The following SH2D4B variants were observed in gnomAD, a reference collection of about 807,000 sequenced individuals.
The protein encoded by SH2D4B is SH2 domain-containing protein 4B.
Under a neutral mutation model 61.5 loss-of-function variants are expected in SH2D4B, and 45 were observed. The ratio of observed to expected loss-of-function variants is 0.73; its 90% CI spans 0.58 to 0.94. The LOEUF (loss-of-function observed/expected upper bound fraction) is 0.94. Among genes scored for constraint, SH2D4B ranks in the 40% least tolerant of loss-of-function variants. SH2D4B has a pLI of 0.00. For missense variants in SH2D4B, 572 were observed against 574.2 expected (o/e 1.00, Z 0.04); for synonymous variants, 224 against 220.4 (o/e 1.02, Z -0.14).
intron 1 of SH2D4B, among the ~76,000 whole-genome samples, chr10:80,554,030 G>T (rs11186024): frequency 0.059 from 8,954 of 152,264 alleles, 349 homozygotes; most frequent in Middle Eastern, 0.11. Flanking sequence ...CGAAATGATG[G>T]TCCCAGTGAA....
At chr10:80,559,422 A>G (rs777778854) in intron 1 of SH2D4B, among the ~76,000 whole-genome samples, 8 of 152,162 alleles carry the variant, frequency 5.3e-5, no homozygotes, top group Non-Finnish European at 1.2e-4. Context: ...TATTTAAACA[A>G]TTCAGATTCA....
chr10:80,631,914 A>G (rs548354163), intron 6 of SH2D4B, among the ~76,000 whole-genome samples: 4 of 152,248 alleles, frequency 2.6e-5, no homozygotes, highest in East Asian at 1.9e-4. Context: ...ATGATATATT[A>G]TATACTTGAA....
chr10:80,549,202 ATTGTGTGTGTGTGTG>A (rs1380531083), intron 1 of SH2D4B, among the ~76,000 whole-genome samples: 72 of 80,648 alleles, frequency 8.9e-4, no homozygotes, highest in East Asian at 2.6e-3. Context: ...ATGGGACTTG[ATTGTGTGTGTGTGTG>A]TGTGTGTGTG....
intron 6 of SH2D4B, 74 bp downstream of exon 6, chr10:80,609,625 G>A: frequency 6.2e-7 from 1 of 1,603,546 alleles, no homozygotes; most frequent in South Asian, 1.1e-5. Flanking sequence ...GGGGAGGGGT[G>A]CTGAAGGACA....
intron 3 of SH2D4B, among the ~76,000 whole-genome samples, chr10:80,584,619 C>T (rs927793429): frequency 3.3e-5 from 5 of 152,116 alleles, no homozygotes; most frequent in Admixed American, 6.5e-5. Flanking sequence ...TTTAAAACAT[C>T]CAAATTTCAG....
At chr10:80,631,542 C>T (rs1842834505) in intron 6 of SH2D4B, among the ~76,000 whole-genome samples, 1 of 152,238 alleles carries the variant, frequency 6.6e-6, no homozygotes, top group Non-Finnish European at 1.5e-5. Flanking sequence ...AGCCACCACA[C>T]CAGGCCTAAC....
chr10:80,538,826 C>T lies in SH2D4B; in HGVS notation c.184+311C>T, dbSNP rs556867245. Among the ~76,000 whole-genome samples, 110 of 152,354 alleles carry T rather than the reference C, an allele frequency of 7.2e-4. No individual in the cohort carries two copies. The highest frequency in any genetic ancestry group is 2.6e-3 in the African/African-American group (110 of 41,584). On this transcript the variant is annotated intron_variant, in intron 1 of 7. Transcript: ENST00000646907. The surrounding 1 kb of genome is among the most constrained non-coding windows in gnomAD (Gnocchi z 4.8). ...GACACCATTGAGACTTCAGATTGTG[C>T]TCCGACGTGGTTGGCAATGGTAGGG... is the stretch of plus-strand genomic sequence containing the variant.
intron 6 of SH2D4B, among the ~76,000 whole-genome samples, chr10:80,628,776 C>A (rs954572555): frequency 3.3e-5 from 5 of 152,074 alleles, no homozygotes; most frequent in Non-Finnish European, 7.4e-5. Flanking sequence ...GCCTGTAATC[C>A]CAGCACTTTG....
chr10:80,551,745 CTG>C (rs1841764142), intron 1 of SH2D4B, among the ~76,000 whole-genome samples: 1 of 152,206 alleles, frequency 6.6e-6, no homozygotes, highest in South Asian at 2.1e-4. Context: ...CACAGCGGGA[CTG>C]AGTGCCTGTC....
chr10:80,611,236 G>A (rs1290717505), intron 6 of SH2D4B, among the ~76,000 whole-genome samples: 3 of 145,884 alleles, frequency 2.1e-5, no homozygotes, highest in Non-Finnish European at 3.0e-5. Context: ...GGAAATGAGA[G>A]ACTTGGAGAA....
At chr10:80,609,293 C>CT in intron 5 of SH2D4B, 131 bp from the exon 6 acceptor site, 4 of 558,086 alleles carry the variant, frequency 7.2e-6, no homozygotes, top group East Asian at 4.9e-5. Context: ...CCTGCCCCTT[C>CT]TTCCACCCCC....
chr10:80,565,948 A>G (rs573915202), intron 1 of SH2D4B, among the ~76,000 whole-genome samples: 2 of 151,874 alleles, frequency 1.3e-5, no homozygotes, highest in East Asian at 3.9e-4. Context: ...AAAATTAGCC[A>G]GGCGTGGTGT....
At position 80,577,375 on chromosome 10, in the gene SH2D4B, C is replaced by A. The variant is rs535409008; in HGVS notation, c.495+5797C>A. 1.8e-4 allele frequency among the ~76,000 whole-genome samples: 27 copies of A among 152,276 alleles called. No homozygotes were observed. The East Asian group carries it at 5.0e-3, about 28-fold the overall frequency. ...AGCCAAGCCCTTCCTGAATTATTAA[C>A]CTGCAGAATCATACACAAATAAAAT... is the stretch of plus-strand genomic sequence containing the variant. On this transcript the variant is annotated intron_variant, in intron 3 of 7. Coordinates refer to ENST00000646907, the MANE Select transcript of SH2D4B (RefSeq NM_001388272.1).
intron 6 of SH2D4B, among the ~76,000 whole-genome samples, chr10:80,615,441 G>C (rs923406224): frequency 1.3e-5 from 2 of 152,224 alleles, no homozygotes; most frequent in Non-Finnish European, 2.9e-5. Context: ...ACAGAAAAGT[G>C]CCCTCTCTGC....
rs140373323 is a variant in SH2D4B at position 80,627,067 on chromosome 10, T to G, written c.989-7218T>G. On this transcript the variant is annotated intron_variant, in intron 6 of 7. Coordinates refer to ENST00000646907, the MANE Select transcript of SH2D4B (RefSeq NM_001388272.1). ...ATCGTGCCTAATGCTGGCTGTGACA[T>G]AAGCGTCTCACAGGAGCCTGAGTGT... is the stretch of plus-strand genomic sequence containing the variant. 1.1e-3 allele frequency among the ~76,000 whole-genome samples: 171 copies of G among 152,294 alleles called. 1 individual carries two copies. The highest frequency in any genetic ancestry group is 4.0e-3 in the African/African-American group (167 of 41,560).
intron 1 of SH2D4B, among the ~76,000 whole-genome samples, chr10:80,552,669 C>T (rs1463679251): frequency 1.3e-5 from 2 of 152,224 alleles, no homozygotes; most frequent in Non-Finnish European, 2.9e-5. Flanking sequence ...ACCTGTCCCT[C>T]TGCTATCTCT....
chr10:80,633,101 T>TG (rs1475121711), intron 6 of SH2D4B, among the ~76,000 whole-genome samples: 5 of 151,642 alleles, frequency 3.3e-5, no homozygotes, highest in South Asian at 2.1e-4. Flanking sequence ...AGGAGAGTGA[T>TG]GGGAGGGGAG....
chr10:80,585,134 G>A (rs1310683442), intron 3 of SH2D4B, among the ~76,000 whole-genome samples: 1 of 152,178 alleles, frequency 6.6e-6, no homozygotes, highest in Non-Finnish European at 1.5e-5. Context: ...GAGCTCAGGA[G>A]TGGGACAGAA....
intron 5 of SH2D4B, among the ~76,000 whole-genome samples, chr10:80,605,747 G>GA (rs986589522): frequency 2.6e-5 from 4 of 152,162 alleles, no homozygotes; most frequent in African/African-American, 9.7e-5. Flanking sequence ...TCGAACTCCT[G>GA]ACCTCAGGTG....
Sources: gnomAD v4.1 joint callset for allele counts (sites outside exome capture counted in the v4.1 genomes callset) on GRCh38, gnomAD v4.1.1 for gene constraint, Gnocchi (gnomAD v3.1) non-coding constraint, MANE v1.5 for transcripts, NCBI Gene and HGNC (gene_info 2026-07-23, HGNC 2026-07-21) for gene names.